TAOK1: variants seen among roughly 807,000 people sequenced by gnomAD.
TAOK1 encodes the protein TAO kinase 1.
TAOK1 carries 21 observed loss-of-function variants against 138.3 expected under a neutral mutation model. That is an observed-to-expected ratio of 0.15 (90% CI 0.11 to 0.22). The LOEUF (loss-of-function observed/expected upper bound fraction) is 0.22. Ranked by LOEUF, TAOK1 falls within the 10% of genes least tolerant of loss-of-function variation. The pLI is 1.00. For synonymous variants in TAOK1, 361 were observed against 398.4 expected (o/e 0.91, Z 1.12); for missense variants, 651 against 1,227.7 (o/e 0.53, Z 7.02).
At chr17:29,529,896 G>A (rs530584006) in intron 17 of TAOK1, among the ~76,000 whole-genome samples, 9 of 150,924 alleles carry the variant, frequency 6.0e-5, no homozygotes, top group African/African-American at 1.7e-4. Context: ...ACATAGTGGC[G>A]CACACTTGTG....
chr17:29,446,219 C>G (rs557113356), intron 1 of TAOK1, among the ~76,000 whole-genome samples: 1 of 152,098 alleles, frequency 6.6e-6, no homozygotes, highest in Non-Finnish European at 1.5e-5. Context: ...CCCAAATAAC[C>G]AATTTTTGAC....
chr17:29,422,923 G>A (rs1905499330), intron 1 of TAOK1, among the ~76,000 whole-genome samples: 2 of 152,116 alleles, frequency 1.3e-5, no homozygotes, highest in South Asian at 4.1e-4. Flanking sequence ...TACTCAGGAG[G>A]CTGAGGCATG....
chr17:29,481,050 GACAC>G (rs2031051562), intron 7 of TAOK1, among the ~76,000 whole-genome samples: 7 of 151,916 alleles, frequency 4.6e-5, no homozygotes, highest in Admixed American at 4.6e-4. Flanking sequence ...TTGAAAGAAA[GACAC>G]AAACAAACTA....
At chr17:29,441,479 C>G (rs1278772579) in intron 1 of TAOK1, among the ~76,000 whole-genome samples, 1 of 152,126 alleles carries the variant, frequency 6.6e-6, no homozygotes. Context: ...TTGAAATGTT[C>G]TGTTTTCTTG....
intron 16 of TAOK1, among the ~76,000 whole-genome samples, chr17:29,521,591 T>G (rs1218630763): frequency 1.3e-5 from 2 of 152,224 alleles, no homozygotes; most frequent in African/African-American, 2.4e-5. Flanking sequence ...GTCCATGTTT[T>G]TTTTCTTTTG....
chr17:29,432,687 C>T, intron 1 of TAOK1, among the ~76,000 whole-genome samples: 1 of 151,862 alleles, frequency 6.6e-6, no homozygotes, highest in East Asian at 1.9e-4. Context: ...GTTGACCAGG[C>T]TGGTCTTGAA....
At chr17:29,530,083 AG>A (rs2032077662) in intron 17 of TAOK1, among the ~76,000 whole-genome samples, 1 of 152,194 alleles carries the variant, frequency 6.6e-6, no homozygotes, top group Non-Finnish European at 1.5e-5. Context: ...GAATATGCAT[AG>A]TAATCAAAGC....
Position 29,520,096 on chromosome 17 carries a change from G to A in TAOK1, c.1909-2184G>A, listed in dbSNP as rs2031887950. ...CTCAAGAGGCTGAGGCACAAGAATT[G>A]CTTGAACCTGGGAGGCGGAGGTTGC... is the stretch of plus-strand genomic sequence containing the variant. On this transcript the variant is annotated intron_variant, in intron 16 of 19. Coordinates refer to ENST00000261716, the MANE Select transcript of TAOK1 (RefSeq NM_020791.4). 2.0e-5 allele frequency among the ~76,000 whole-genome samples: 3 copies of A among 150,836 alleles called. No homozygotes were observed. The Admixed American group carries it at 2.0e-4, about 10-fold the overall frequency.
intron 12 of TAOK1, 46 bp from the exon 13 acceptor site, chr17:29,502,543 C>T (rs763707882): frequency 9.6e-6 from 15 of 1,557,134 alleles, no homozygotes; most frequent in Non-Finnish European, 1.2e-5. Context: ...AAGATTCAAA[C>T]AAACTGTTCA....
chr17:29,521,178 T>C (rs894842492), intron 16 of TAOK1, among the ~76,000 whole-genome samples: 2 of 152,188 alleles, frequency 1.3e-5, no homozygotes, highest in Non-Finnish European at 2.9e-5. Context: ...CTGAATAAAC[T>C]TGGGGAAGGT....
In TAOK1 at chr17:29,456,757, G is replaced by A. The variant is rs964169533; in HGVS notation, c.132+5077G>A. Among the ~76,000 whole-genome samples the A allele has an allele frequency of 6.7e-5, 10 of 150,206 alleles. 1 individual carries two copies. Among genetic ancestry groups the A allele is most frequent in the African/African-American group, 1.5e-4 (6 of 39,678 alleles). On this transcript the variant is annotated intron_variant, in intron 2 of 19. Transcript: ENST00000261716. ...TTTTGTTTTGTTTTGTTTTTAAAAC[G>A]GAGTCTCGCTCTGTCGCCTAGGCTG...
intron 14 of TAOK1, among the ~76,000 whole-genome samples, chr17:29,510,407 T>C (rs889397779): frequency 6.6e-6 from 1 of 152,018 alleles, no homozygotes; most frequent in Non-Finnish European, 1.5e-5. Context: ...AAGAAAAAAT[T>C]GCAAAAGATA....
At chr17:29,453,127 G>A (rs888176471) in intron 2 of TAOK1, among the ~76,000 whole-genome samples, 22 of 149,686 alleles carry the variant, frequency 1.5e-4, no homozygotes, top group Non-Finnish European at 7.4e-5. Context: ...AAAAGAAATC[G>A]TACAATATTT....
intron 4 of TAOK1, 131 bp from the exon 5 acceptor site, chr17:29,477,530 T>A (rs2030972670): frequency 9.2e-6 from 3 of 327,020 alleles, no homozygotes; most frequent in Non-Finnish European, 1.6e-5. Context: ...ACTATTTTTT[T>A]AAGGTAAATG....
intron 9 of TAOK1, among the ~76,000 whole-genome samples, chr17:29,490,486 G>T (rs2031275802): frequency 6.6e-6 from 1 of 152,040 alleles, no homozygotes; most frequent in South Asian, 2.1e-4. Context: ...TAAATTAGGG[G>T]TACTTAATTA....
chr17:29,480,184 T>A (rs2031031267), intron 6 of TAOK1, 184 bp from the exon 7 acceptor site: 3 of 385,264 alleles, frequency 7.8e-6, no homozygotes, highest in Non-Finnish European at 1.4e-5. Flanking sequence ...TTTATTTGAA[T>A]TCTGTAGTTT....
chr17:29,474,516 A>G (rs112652226), intron 3 of TAOK1, among the ~76,000 whole-genome samples: 5 of 152,280 alleles, frequency 3.3e-5, no homozygotes, highest in African/African-American at 7.2e-5. Flanking sequence ...CCTAATTTCA[A>G]CATTATTGTG....
chr17:29,533,076 C>T (rs1174753473), intron 18 of TAOK1, among the ~76,000 whole-genome samples: 33 of 68,506 alleles, frequency 4.8e-4, no homozygotes, highest in Non-Finnish European at 9.0e-4. Flanking sequence ...TCCTCACTTC[C>T]CAGACGGGGT....
intron 1 of TAOK1, among the ~76,000 whole-genome samples, chr17:29,428,770 C>A (rs913760316): frequency 1.3e-5 from 2 of 149,168 alleles, no homozygotes; most frequent in Non-Finnish European, 3.0e-5. Flanking sequence ...ACTGCAGTTG[C>A]GCACCACAAC....
Sources: allele counts gnomAD v4.1 joint callset (sites outside exome capture counted in the v4.1 genomes callset), GRCh38; gene constraint gnomAD v4.1.1; transcripts MANE v1.5; gene names NCBI Gene and HGNC (gene_info 2026-07-23, HGNC 2026-07-21).